Variants in ATXN7L1 observed in about 807,000 individuals in gnomAD.
ATXN7L1 encodes ataxin-7-like protein 1.
In ATXN7L1, 15 loss-of-function variants were observed where a neutral mutation model predicts 70.8. The observed-to-expected ratio is 0.21, with a 90% CI of 0.14 to 0.33. ATXN7L1 has a LOEUF of 0.33. Ranked by LOEUF, ATXN7L1 falls within the 10% of genes least tolerant of loss-of-function variation. ATXN7L1 has a pLI of 1.00. For missense variants in ATXN7L1, 975 were observed against 1,097.1 expected (o/e 0.89, Z 1.57); for synonymous variants, 440 against 445.1 (o/e 0.99, Z 0.14).
chr7:105,671,638 T>A lies in ATXN7L1; in HGVS notation c.356-6350A>T, dbSNP rs139763795. Among the ~76,000 whole-genome samples the A allele has an allele frequency of 5.6e-3, 859 of 152,308 alleles. 8 individuals carry two copies. The highest frequency in any genetic ancestry group is 0.02 in the African/African-American group (819 of 41,574). On this transcript the variant is annotated intron_variant, in intron 3 of 11. Transcript: ENST00000419735. ...TCAGGTGGGTACAGTGGCTCATGCC[T>A]GTAATTCCCGCACTTTGGGAGGCTG...
At chr7:105,808,984 A>G (rs1031350394) in intron 2 of ATXN7L1, among the ~76,000 whole-genome samples, 2 of 152,252 alleles carry the variant, frequency 1.3e-5, no homozygotes, top group African/African-American at 4.8e-5. Context: ...TGAAGCCAAC[A>G]TGTGAGGCGT....
At chr7:105,697,473 G>A (rs1275033438) in intron 3 of ATXN7L1, among the ~76,000 whole-genome samples, 3 of 152,196 alleles carry the variant, frequency 2.0e-5, no homozygotes, top group African/African-American at 7.2e-5. Context: ...CAGAGTTTAA[G>A]GTTATCTCTC....
chr7:105,860,950 G>C (rs1017758952), intron 2 of ATXN7L1, among the ~76,000 whole-genome samples: 1 of 152,188 alleles, frequency 6.6e-6, no homozygotes, highest in Admixed American at 6.5e-5. Flanking sequence ...AAGGAGGTGC[G>C]AGATTTGGGG....
chr7:105,820,549 G>T (rs1254590502), intron 2 of ATXN7L1, among the ~76,000 whole-genome samples: 1 of 152,186 alleles, frequency 6.6e-6, no homozygotes, highest in Non-Finnish European at 1.5e-5. Context: ...GCCTTCTGTG[G>T]GGCTAATGCT....
intron 4 of ATXN7L1, among the ~76,000 whole-genome samples, chr7:105,661,215 T>TCCCCTGTGC (rs1801552153): frequency 6.6e-6 from 1 of 152,186 alleles, no homozygotes; most frequent in Admixed American, 6.5e-5. Context: ...GGGCCCTGTG[T>TCCCCTGTGC]ATCCCCTGTG....
At chr7:105,665,511 C>T (rs1005520684) in intron 3 of ATXN7L1, among the ~76,000 whole-genome samples, 1 of 152,200 alleles carries the variant, frequency 6.6e-6, no homozygotes, top group East Asian at 1.9e-4. Context: ...AAATGGCATG[C>T]TCAACTAACA....
At chr7:105,780,241 T>C (rs559707507) in intron 3 of ATXN7L1, among the ~76,000 whole-genome samples, 5 of 152,302 alleles carry the variant, frequency 3.3e-5, no homozygotes, top group East Asian at 3.9e-4. Flanking sequence ...TGCTGAGACA[T>C]GCTGTTCTCA....
Position 105,638,440 on chromosome 7 carries a change from G to A in ATXN7L1, c.1115C>T (p.Ser372Phe). The A allele has an allele frequency of 6.4e-7, 1 of 1,552,356 alleles. No individual in the cohort carries two copies. Among genetic ancestry groups the A allele is most frequent in the Non-Finnish European group, 8.7e-7 (1 of 1,147,136 alleles). ...LPSQSGPAQDSLLGSSGSSGP... is the reference protein window; with the variant it reads ...LPSQSGPAQDFLLGSSGSSGP... ...AGAGCTCCCTGAAGACCCTAGCAGA[G>A]AATCCTGTGCCGGCCCGGATTGGCT... Residue 372 changes from serine to phenylalanine, a missense_variant, in exon 7 of 12, where the codon TCT becomes TTT. Physicochemically the swap from Ser to Phe is radical, Grantham distance 155 (BLOSUM62 -2). Around this residue, in one of 5 missense-constraint regions of ATXN7L1, gnomAD observed 635 missense variants for 699.4 expected, o/e 0.91. Coordinates refer to ENST00000419735, the MANE Select transcript of ATXN7L1 (RefSeq NM_020725.2).
chr7:105,621,377 T>C (rs1039183249), intron 8 of ATXN7L1, among the ~76,000 whole-genome samples: 2 of 152,206 alleles, frequency 1.3e-5, no homozygotes, highest in African/African-American at 4.8e-5. Context: ...CTTGGACTTA[T>C]GACATGGCTG....
At chr7:105,768,477 TC>T (rs1285055057) in intron 3 of ATXN7L1, among the ~76,000 whole-genome samples, 3 of 152,150 alleles carry the variant, frequency 2.0e-5, no homozygotes, top group African/African-American at 7.2e-5. Context: ...GTGCCTGTAC[TC>T]CAGCTCTCAG....
chr7:105,834,045 T>G (rs1303554549), intron 2 of ATXN7L1, among the ~76,000 whole-genome samples: 2 of 152,216 alleles, frequency 1.3e-5, no homozygotes, highest in African/African-American at 2.4e-5. Context: ...GTTTTGTTTA[T>G]TATTTATTTA....
chr7:105,681,785 A>C (rs1382050037), intron 3 of ATXN7L1, among the ~76,000 whole-genome samples: 4 of 152,226 alleles, frequency 2.6e-5, no homozygotes, highest in Non-Finnish European at 5.9e-5. Context: ...AGTCACAAAC[A>C]GACAAATAAT....
In ATXN7L1 at chr7:105,673,238, T is replaced by C. The variant is rs571989486; in HGVS notation, c.356-7950A>G. On this transcript the variant is annotated intron_variant, in intron 3 of 11. Coordinates refer to ENST00000419735, the MANE Select transcript of ATXN7L1 (RefSeq NM_020725.2). ...ACGCTTATTCATGGAGATATTTTCA[T>C]ACTTGCAGCATCAGTGTCCTGTATT... Among the ~76,000 whole-genome samples the C allele has an allele frequency of 1.3e-4, 20 of 152,400 alleles. 1 individual carries two copies. The South Asian group carries it at 3.9e-3, about 30-fold the overall frequency.
intron 2 of ATXN7L1, among the ~76,000 whole-genome samples, chr7:105,874,329 C>G (rs1009526280): frequency 6.6e-6 from 1 of 152,086 alleles, no homozygotes; most frequent in African/African-American, 2.4e-5. Context: ...TTTCCACAGC[C>G]TCATCATCTT....
At chr7:105,850,162 T>C (rs1369372027) in intron 2 of ATXN7L1, among the ~76,000 whole-genome samples, 1 of 152,174 alleles carries the variant, frequency 6.6e-6, no homozygotes, top group Admixed American at 6.5e-5. Flanking sequence ...AAAAAATACT[T>C]TCCTGTAGAA....
rs1274006496 is a variant in ATXN7L1, at chr7:105,727,777, TAC to T, written c.355+60825_355+60826del. On this transcript the variant is annotated intron_variant, in intron 3 of 11. Coordinates refer to ENST00000419735, the MANE Select transcript of ATXN7L1 (RefSeq NM_020725.2). ...ATATATATATATATATATATATATA[TAC>T]ACACACATACACACATATATATATG... 6.8e-4 allele frequency among the ~76,000 whole-genome samples: 61 copies of T among 90,172 alleles called. 2 individuals carry two copies. In the South Asian group the frequency reaches 0.014, roughly 21 times the overall value. The allele number at this position is 90,172 out of a possible 152,430, so 59.2% of individuals were successfully genotyped here.
At chr7:105,807,060 C>T (rs1226321441) in intron 2 of ATXN7L1, among the ~76,000 whole-genome samples, 1 of 152,206 alleles carries the variant, frequency 6.6e-6, no homozygotes, top group Non-Finnish European at 1.5e-5. Flanking sequence ...TCCAGGTGTC[C>T]AGCCAAGCTT....
intron 3 of ATXN7L1, among the ~76,000 whole-genome samples, chr7:105,742,714 C>T (rs190357533): frequency 1.6e-4 from 24 of 152,240 alleles, no homozygotes; most frequent in Admixed American, 5.2e-4. Context: ...CCATTTTACA[C>T]GCACAACCAT....
At chr7:105,866,708 T>A (rs1197577943) in intron 2 of ATXN7L1, among the ~76,000 whole-genome samples, 3 of 152,188 alleles carry the variant, frequency 2.0e-5, no homozygotes, top group African/African-American at 7.2e-5. Context: ...CCGGGAGATT[T>A]AGGAGACAGT....
Sources: allele counts gnomAD v4.1 joint callset (sites outside exome capture counted in the v4.1 genomes callset), GRCh38; gene constraint gnomAD v4.1.1; regional missense constraint gnomAD v4.1.1; transcripts MANE v1.5; gene names NCBI Gene and HGNC (gene_info 2026-07-23, HGNC 2026-07-21).